Variants in HDAC9 observed in about 807,000 individuals in gnomAD.
HDAC9 encodes the protein histone deacetylase 9.
In HDAC9, 41 loss-of-function variants were observed where a neutral mutation model predicts 139.4. That is an observed-to-expected ratio of 0.29 (90% CI 0.23 to 0.38). The LOEUF is 0.38. HDAC9 is among the 10% of genes least tolerant of loss of function. The probability of loss-of-function intolerance (pLI) is 1.00; values close to 1 mark genes in which losing one functional copy is unlikely to be tolerated. For missense variants in HDAC9, 1,147 were observed against 1,297.0 expected, an observed-to-expected ratio of 0.88 and a Z score of 1.78; for synonymous variants, 517 against 476.2, an observed-to-expected ratio of 1.09 and a Z score of -1.12.
chr7:18,671,735 C>T (rs1049789131), intron 12 of HDAC9, among the ~76,000 whole-genome samples: 1 of 151,960 alleles, frequency 6.6e-6, no homozygotes, highest in Non-Finnish European at 1.5e-5. Context: ...ACTCCACGCT[C>T]GTTCTTGCCC....
intron 6 of HDAC9, among the ~76,000 whole-genome samples, chr7:18,605,398 C>T (rs1267439139): frequency 1.3e-5 from 2 of 152,134 alleles, no homozygotes; most frequent in Non-Finnish European, 2.9e-5. Flanking sequence ...TACTAATTGC[C>T]TTCTCCCTTA....
chr7:18,628,769 C>T (rs1027672222), intron 6 of HDAC9, among the ~76,000 whole-genome samples: 3 of 152,078 alleles, frequency 2.0e-5, no homozygotes, highest in African/African-American at 7.2e-5. Flanking sequence ...GTCTTATTTG[C>T]ATTGATTCTA....
Position 18,363,279 on chromosome 7 carries a change from T to C in HDAC9, c.-42+72764T>C, listed in dbSNP as rs138198283. On this transcript the variant is annotated intron_variant, in intron 1 of 3. Coordinates refer to the HDAC9 transcript ENST00000413509. The stretch of plus-strand genomic sequence containing the variant: ...ATGTCAGATGAGGTATATATATCTT[T>C]TGTAACTTCCTGGTGTCTGATCTTA... 2.6e-5 allele frequency among the ~76,000 whole-genome samples: 4 copies of C among 152,254 alleles called. No homozygotes were observed. The East Asian group carries it at 7.7e-4, about 29-fold the overall frequency.
intron 1 of HDAC9, among the ~76,000 whole-genome samples, chr7:18,122,650 G>A (rs1376357875): frequency 6.6e-6 from 1 of 152,034 alleles, no homozygotes; most frequent in African/African-American, 2.4e-5. Context: ...ACAGAGTCTT[G>A]CTGTGTCCCC....
intron 21 of HDAC9, among the ~76,000 whole-genome samples, chr7:18,845,337 G>A (rs1796838227): frequency 6.6e-6 from 1 of 152,120 alleles, no homozygotes; most frequent in South Asian, 2.1e-4. Context: ...ACATACTTTA[G>A]AAGAGAAAGA....
In HDAC9 at chr7:18,455,555, G is replaced by A. The variant is rs115867264; in HGVS notation, c.-41-40707G>A. Among the ~76,000 whole-genome samples the A allele has an allele frequency of 3.5e-3, 539 of 152,212 alleles. 5 individuals are homozygous for A. Among genetic ancestry groups the A allele is most frequent in the African/African-American group, 0.013 (523 of 41,528 alleles). Reference sequence around the variant, plus strand: ...CCAGGTCTCAGTGTTGATTATAATCGTATTTTAAAAACATAAATGAACGAT... The same window carrying A: ...CCAGGTCTCAGTGTTGATTATAATCATATTTTAAAAACATAAATGAACGAT... On this transcript the variant is annotated intron_variant, in intron 1 of 3. Coordinates refer to the HDAC9 transcript ENST00000413509.
intron 2 of HDAC9, among the ~76,000 whole-genome samples, chr7:18,536,675 C>A (rs1811022643): frequency 6.6e-6 from 1 of 152,068 alleles, no homozygotes; most frequent in South Asian, 2.1e-4. Context: ...AATGATTCAT[C>A]TGATTAAAAT....
intron 23 of HDAC9, among the ~76,000 whole-genome samples, chr7:18,951,803 ATATT>A (rs1585393474): frequency 6.6e-6 from 1 of 151,824 alleles, no homozygotes; most frequent in South Asian, 2.1e-4. Flanking sequence ...ACACTCATAA[ATATT>A]TATTAAGTGG....
At chr7:18,201,771 T>G (rs535336370) in intron 2 of HDAC9, among the ~76,000 whole-genome samples, 37 of 152,346 alleles carry the variant, frequency 2.4e-4, no homozygotes, top group African/African-American at 7.2e-4. Flanking sequence ...GAAACCAATA[T>G]TAGTATATTT....
intron 1 of HDAC9, among the ~76,000 whole-genome samples, chr7:18,111,769 A>G (rs940462916): frequency 1.3e-5 from 2 of 152,188 alleles, no homozygotes; most frequent in South Asian, 2.1e-4. Context: ...ATTGTAATTT[A>G]AAGGTGTATG....
At chr7:18,931,351 A>G (rs1804724945) in intron 22 of HDAC9, among the ~76,000 whole-genome samples, 1 of 152,176 alleles carries the variant, frequency 6.6e-6, no homozygotes, top group Admixed American at 6.5e-5. Flanking sequence ...GGCCTGGGTA[A>G]AAGATTCTTA....
chr7:18,505,505 C>T (rs979331331), intron 2 of HDAC9, among the ~76,000 whole-genome samples: 1 of 152,124 alleles, frequency 6.6e-6, no homozygotes, highest in African/African-American at 2.4e-5. Flanking sequence ...ATATATCTGT[C>T]CAATTTGGGT....
intron 2 of HDAC9, among the ~76,000 whole-genome samples, chr7:18,197,485 T>C (rs948439277): frequency 6.6e-6 from 1 of 152,124 alleles, no homozygotes; most frequent in Non-Finnish European, 1.5e-5. Flanking sequence ...AGGTAGCTTG[T>C]GTGGGTGAGG....
intron 22 of HDAC9, among the ~76,000 whole-genome samples, chr7:18,899,082 C>G (rs1282240333): frequency 6.6e-6 from 1 of 151,998 alleles, no homozygotes; most frequent in Admixed American, 6.6e-5. Context: ...GGAATCTCCA[C>G]TAAGCAAACT....
At chr7:18,135,271 TA>T (rs1191458677) in intron 1 of HDAC9, among the ~76,000 whole-genome samples, 15 of 141,262 alleles carry the variant, frequency 1.1e-4, no homozygotes, top group African/African-American at 2.2e-4. Flanking sequence ...TTTTTTTTTT[TA>T]AAAAGGTAGT....
At chr7:18,400,343 A>C (rs1017407565) in intron 1 of HDAC9, among the ~76,000 whole-genome samples, 1 of 152,222 alleles carries the variant, frequency 6.6e-6, no homozygotes, top group Admixed American at 6.5e-5. Context: ...GCTGTTCAAC[A>C]GCTGTATCAA....
At chr7:18,521,334 T>C (rs548704733) in intron 2 of HDAC9, among the ~76,000 whole-genome samples, 2 of 152,330 alleles carry the variant, frequency 1.3e-5, no homozygotes, top group South Asian at 4.1e-4. Context: ...TGTTGGATCC[T>C]ATCTACCAGG....
chr7:18,432,110 T>A (rs532068401), intron 1 of HDAC9, among the ~76,000 whole-genome samples: 22 of 152,294 alleles, frequency 1.4e-4, no homozygotes, highest in Admixed American at 1.3e-4. Flanking sequence ...GCTTTCAAAA[T>A]CTCTATCAAT....
At chr7:18,872,944 A>G (rs1799042736) in intron 21 of HDAC9, among the ~76,000 whole-genome samples, 1 of 152,182 alleles carries the variant, frequency 6.6e-6, no homozygotes, top group Non-Finnish European at 1.5e-5. Flanking sequence ...AGAAGCATCC[A>G]TTCTCTAAAG....
Sources: allele counts gnomAD v4.1 joint callset (sites outside exome capture counted in the v4.1 genomes callset), GRCh38; gene constraint gnomAD v4.1.1; transcripts MANE v1.5; gene names NCBI Gene and HGNC (gene_info 2026-07-23, HGNC 2026-07-21).